The following DOCK8 variants were observed in gnomAD, a reference collection of about 807,000 sequenced individuals.
DOCK8 encodes dedicator of cytokinesis protein 8.
Under a neutral mutation model 245.6 loss-of-function variants are expected in DOCK8, and 141 were observed. The ratio of observed to expected loss-of-function variants is 0.57; its 90% CI spans 0.50 to 0.66. The LOEUF is 0.66. DOCK8 is among the 30% of genes least tolerant of loss of function. The pLI is 0.00. For missense variants in DOCK8, 2,965 were observed against 2,603.4 expected (o/e 1.14, Z -3.02); for synonymous variants, 1,168 against 970.2 (o/e 1.20, Z -3.79).
At chr9:382,865 C>G (rs552769748) in intron 22 of DOCK8, among the ~76,000 whole-genome samples, 180 bp downstream of exon 22, 5 of 152,242 alleles carry the variant, frequency 3.3e-5, no homozygotes, top group Admixed American at 2.0e-4. Context: ...CTGACAGATG[C>G]AGCAGCAAGA....
intron 1 of DOCK8, among the ~76,000 whole-genome samples, chr9:253,597 A>G (rs767995030): frequency 3.3e-5 from 5 of 152,212 alleles, no homozygotes; most frequent in Admixed American, 6.5e-5. Flanking sequence ...ACTAAAAGTT[A>G]TGCTAATATA....
At chr9:232,859 A>G (rs1051331898) in intron 1 of DOCK8, among the ~76,000 whole-genome samples, 1 of 152,144 alleles carries the variant, frequency 6.6e-6, no homozygotes, top group Non-Finnish European at 1.5e-5. Context: ...TCCTGGATTC[A>G]TTAATTTTTT....
At position 325,676 on chromosome 9, in the gene DOCK8, A is replaced by G. The variant is rs758155403; in HGVS notation, c.833A>G (p.Glu278Gly). ...ILVKLLTLKF[E>G]IEIEPLFASI... ...TTCCTCTCTTTCTATGGTAGGTTCG[A>G]GATTGAAATTGAGCCCCTGTTTGCC... Residue 278 changes from glutamate (E) to glycine (G), a missense_variant, in exon 8 of 48, where the codon GAG becomes GGG. Transcript: ENST00000432829. The G allele has an allele frequency of 6.2e-7, 1 of 1,613,932 alleles. No homozygotes were observed. The highest frequency in any genetic ancestry group is 8.5e-7 in the Non-Finnish European group (1 of 1,179,818).
chr9:317,489 T>G (rs1175841276), intron 7 of DOCK8, among the ~76,000 whole-genome samples: 1 of 152,170 alleles, frequency 6.6e-6, no homozygotes, highest in African/African-American at 2.4e-5. Context: ...TCTTCCTGGG[T>G]TCGGTGAAGT....
At position 315,283 on chromosome 9, in the gene DOCK8, C is replaced by G. The variant is rs1051915081; in HGVS notation, c.742-1760C>G. On this transcript the variant is annotated intron_variant, in intron 6 of 47. Coordinates refer to ENST00000432829, the MANE Select transcript of DOCK8 (RefSeq NM_203447.4). ...ATATATATTTTTAGGATGATGAAAA[C>G]AAGAGGTATCCATTAATGTTTCACA... is the stretch of plus-strand genomic sequence containing the variant. 5.9e-5 allele frequency among the ~76,000 whole-genome samples: 9 copies of G among 152,260 alleles called. No homozygotes were observed. In the East Asian group the frequency reaches 1.2e-3, roughly 20 times the overall value.
chr9:464,329 G>A lies in DOCK8; in HGVS notation c.*110G>A. The A allele has an allele frequency of 1.1e-6, 1 of 918,180 alleles. No individual in the cohort carries two copies. The highest frequency in any genetic ancestry group is 1.8e-6 in the Non-Finnish European group (1 of 548,940). The allele number at this position is 918,180 out of a possible 1,614,324, so 56.9% of individuals were successfully genotyped here. A position where few individuals can be genotyped will look rare whatever the true frequency, so the allele number is the denominator to read the frequency against. The stretch of plus-strand genomic sequence containing the variant: ...ACCCAGGACTGACTGTACACTCCCT[G>A]ATCAGCCAGCACTCTGGAAGCTTTG... On this transcript the variant is annotated 3_prime_UTR_variant, in exon 48 of 48. Coordinates refer to ENST00000432829, the MANE Select transcript of DOCK8 (RefSeq NM_203447.4).
intron 3 of DOCK8, 132 bp from the exon 4 acceptor site, chr9:289,378 T>C: frequency 1.4e-6 from 1 of 733,784 alleles, no homozygotes; most frequent in South Asian, 1.6e-5. Context: ...TTTGGAATGA[T>C]TGGGCAAGAA....
chr9:405,045 C>A lies in DOCK8; in HGVS notation c.3362C>A (p.Thr1121Lys), dbSNP rs1437877503. ...TTTATGAATGCTGATACTGCTCCAA[C>A]ATCTCCTTGTCCTTCCATATCTTCC... ...LFFMNADTAPTSPCPSISSQN... is the reference protein window; with the variant it reads ...LFFMNADTAPKSPCPSISSQN... The change falls in exon 27 of 48, where the codon ACA becomes AAA. Residue 1121 changes from threonine to lysine, a missense_variant. By Grantham distance (78) the Thr-to-Lys change is moderately conservative (BLOSUM62 -1). Around this residue, in one of 3 missense-constraint regions of DOCK8, gnomAD observed 2,825 missense variants for 2,453.5 expected, o/e 1.15. Transcript: ENST00000432829. 3 of 1,613,838 alleles carry A rather than the reference C, an allele frequency of 1.9e-6. 1 individual carries two copies. In the South Asian group the frequency reaches 3.3e-5, roughly 18 times the overall value.
At chr9:331,480 T>G (rs897111532) in intron 9 of DOCK8, among the ~76,000 whole-genome samples, 15 of 152,244 alleles carry the variant, frequency 9.9e-5, no homozygotes, top group Non-Finnish European at 7.3e-5. Context: ...TTAAATACTT[T>G]GTGCCTAACT....
At chr9:456,073 C>G (rs1295038499) in intron 46 of DOCK8, 3 of 152,240 alleles carry the variant, frequency 2.0e-5, no homozygotes, top group Non-Finnish European at 4.4e-5. Context: ...GGCCTGCCCT[C>G]CACTTCATTC....
intron 2 of DOCK8, chr9:280,945 A>C (rs939686124): frequency 1.3e-5 from 2 of 152,276 alleles, no homozygotes; most frequent in African/African-American, 2.4e-5. Context: ...TGCAGTCTTA[A>C]GTATTTTTGT....
chr9:400,527 T>C (rs867451736), intron 26 of DOCK8, among the ~76,000 whole-genome samples: 14 of 16,122 alleles, frequency 8.7e-4, no homozygotes, highest in African/African-American at 1.1e-3. Context: ...ACCTCCACCA[T>C]CACCACCACC....
chr9:400,755 T>C (rs367919483), intron 26 of DOCK8, among the ~76,000 whole-genome samples: 18 of 3,098 alleles, frequency 5.8e-3, no homozygotes, highest in East Asian at 0.037. Flanking sequence ...ATCTTCACCA[T>C]CACCACCACC....
intron 4 of DOCK8, among the ~76,000 whole-genome samples, chr9:291,956 G>C (rs1214523428): frequency 6.6e-6 from 1 of 150,670 alleles, no homozygotes; most frequent in East Asian, 1.9e-4. Context: ...TGTAGTCCTA[G>C]CTACTCGGGA....
rs529756222 is a variant in DOCK8, at chr9:302,829, T to C, written c.405-1752T>C. Among the ~76,000 whole-genome samples the C allele has an allele frequency of 2.0e-5, 3 of 152,226 alleles. No homozygotes were observed. In the South Asian group the frequency reaches 6.2e-4, roughly 32 times the overall value. ...CTCACAACAGTCAGAATGCCTGTTA[T>C]TGAAAAGTCATAAAATAGACTGGGC... On this transcript the variant is annotated intron_variant, in intron 4 of 47. Transcript: ENST00000432829.
In DOCK8 at chr9:426,951, C is replaced by T. The variant is rs769421591; in HGVS notation, c.4308C>T (p.Ile1436=). 1.9e-6 allele frequency: 3 copies of T among 1,613,998 alleles called. No individual in the cohort carries two copies. Among genetic ancestry groups the T allele is most frequent in the Admixed American group, 1.7e-5 (1 of 60,000 alleles). Residue 1436 remains isoleucine (I), a synonymous_variant, in exon 34 of 48, where the codon ATC becomes ATT. Transcript: ENST00000432829. The stretch of plus-strand genomic sequence containing the variant: ...ATCTGGCTACAGAAGCACATTTAAT[C>T]ATCCTGGATATGCAGGAAAACATTA... ...SGNLATEAHL[I]ILDMQENIIQ... is the part of the protein sequence containing the mutation.
chr9:305,486 C>T (rs1014686333), intron 5 of DOCK8, among the ~76,000 whole-genome samples: 3 of 152,044 alleles, frequency 2.0e-5, no homozygotes, highest in South Asian at 2.1e-4. Context: ...GGGGTTTCAC[C>T]GTGTTAGTCA....
chr9:349,191 A>G (rs934005052), intron 14 of DOCK8, among the ~76,000 whole-genome samples: 22 of 152,350 alleles, frequency 1.4e-4, no homozygotes, highest in African/African-American at 5.1e-4. Context: ...GTGTTTTGAC[A>G]GCGTAATAAG....
chr9:261,719 G>T (rs1349905952), intron 1 of DOCK8, among the ~76,000 whole-genome samples: 1 of 152,090 alleles, frequency 6.6e-6, no homozygotes, highest in African/African-American at 2.4e-5. Context: ...AGTTGTGGAT[G>T]TAATATTTTT....
Sources: allele counts gnomAD v4.1 joint callset (sites outside exome capture counted in the v4.1 genomes callset), GRCh38; gene constraint gnomAD v4.1.1; regional missense constraint gnomAD v4.1.1; transcripts MANE v1.5; gene names NCBI Gene and HGNC (gene_info 2026-07-23, HGNC 2026-07-21).